LTBP1: variants seen among roughly 807,000 people sequenced by gnomAD.
The protein encoded by LTBP1 is latent-transforming growth factor beta-binding protein 1.
LTBP1 carries 129 observed loss-of-function variants against 207.6 expected under a neutral mutation model. That is an observed-to-expected ratio of 0.62 (90% confidence interval 0.54 to 0.72). LTBP1 has a LOEUF of 0.72. Among genes scored for constraint, LTBP1 ranks in the 30% least tolerant of loss-of-function variants. The pLI, the probability that LTBP1 is intolerant of heterozygous loss-of-function variation, is 0.00. For missense variants in LTBP1, 2,281 were observed against 2,217.2 expected, an observed-to-expected ratio of 1.03 and a Z score of -0.58; for synonymous variants, 963 against 833.7, an observed-to-expected ratio of 1.16 and a Z score of -2.67.
intron 3 of LTBP1, among the ~76,000 whole-genome samples, chr2:33,058,060 C>T (rs1433665319): frequency 6.6e-6 from 1 of 152,250 alleles, no homozygotes; most frequent in East Asian, 1.9e-4. Context: ...GAGTGTTTCT[C>T]TCTTTGGTTT....
At chr2:33,069,987 C>T (rs2077707034) in intron 3 of LTBP1, among the ~76,000 whole-genome samples, 1 of 152,120 alleles carries the variant, frequency 6.6e-6, no homozygotes, top group Non-Finnish European at 1.5e-5. Flanking sequence ...TCACCATTGC[C>T]CTCCTTTTAA....
At chr2:33,392,955 G>C (rs1020916685) in intron 32 of LTBP1, among the ~76,000 whole-genome samples, 2 of 151,350 alleles carry the variant, frequency 1.3e-5, no homozygotes, top group Admixed American at 1.3e-4. Flanking sequence ...AGATTCTCCT[G>C]CCTCAGCCTC....
chr2:33,395,228 C>G (rs965836784), intron 32 of LTBP1, among the ~76,000 whole-genome samples: 1 of 152,166 alleles, frequency 6.6e-6, no homozygotes, highest in African/African-American at 2.4e-5. Flanking sequence ...TCAACAAAAT[C>G]AAGTGACTTG....
At position 33,347,356 on chromosome 2, in the gene LTBP1, C is replaced by T. The variant is rs377502218; in HGVS notation, c.3857-11C>T. On this transcript the variant is annotated splice_polypyrimidine_tract_variant and intron_variant, in intron 25 of 33. Coordinates refer to ENST00000404816, the MANE Select transcript of LTBP1 (RefSeq NM_206943.4). ...GCACACATCTCACTTGGTCTGTGCT[C>T]CCTTTTCCAGATGTGAATGAATGTG... The T allele has an allele frequency of 2.1e-5, 34 of 1,613,934 alleles. No individual in the cohort carries two copies. Among genetic ancestry groups the T allele is most frequent in the Non-Finnish European group, 2.9e-5 (34 of 1,179,994 alleles).
intron 24 of LTBP1, among the ~76,000 whole-genome samples, chr2:33,326,340 C>T (rs893285464): frequency 6.6e-6 from 1 of 152,124 alleles, no homozygotes; most frequent in African/African-American, 2.4e-5. Context: ...CTGTTAATGA[C>T]ATAAATGTCC....
At chr2:33,374,301 G>A (rs1439241199) in intron 31 of LTBP1, among the ~76,000 whole-genome samples, 1 of 152,102 alleles carries the variant, frequency 6.6e-6, no homozygotes, top group African/African-American at 2.4e-5. Flanking sequence ...TCTGCTTTTG[G>A]TCCTGGCTCT....
rs187429397 is a variant in LTBP1, at chr2:33,162,362, G to A, written c.1202-24494G>A. Among the ~76,000 whole-genome samples, 590 of 152,272 alleles carry A rather than the reference G, an allele frequency of 3.9e-3. 2 individuals carry two copies. The highest frequency in any genetic ancestry group is 0.013 in the African/African-American group (557 of 41,542). ...TTTGCTTTAGGAATTCTGAATGGAT[G>A]TCATGACTATATATCTAATAATTAC... On this transcript the variant is annotated intron_variant, in intron 5 of 33. Coordinates refer to ENST00000404816, the MANE Select transcript of LTBP1 (RefSeq NM_206943.4).
chr2:33,106,372 C>T (rs963788077), intron 3 of LTBP1, among the ~76,000 whole-genome samples: 2 of 152,148 alleles, frequency 1.3e-5, no homozygotes, highest in African/African-American at 4.8e-5. Context: ...AGATGTTTTC[C>T]AATTTACTTT....
chr2:33,357,336 C>G (rs575266497), intron 26 of LTBP1, among the ~76,000 whole-genome samples: 1 of 152,124 alleles, frequency 6.6e-6, no homozygotes, highest in African/African-American at 2.4e-5. Context: ...TGCTGAACCC[C>G]CAGCAGCAGA....
At chr2:33,384,098 A>G (rs2095245282) in intron 31 of LTBP1, among the ~76,000 whole-genome samples, 2 of 152,208 alleles carry the variant, frequency 1.3e-5, no homozygotes, top group South Asian at 4.1e-4. Context: ...TCTGTCATCA[A>G]GAATGGAGAT....
rs377701472 is a variant in LTBP1 at position 33,297,525 on chromosome 2, A to G, written c.3236-2926A>G. 1.8e-4 allele frequency among the ~76,000 whole-genome samples: 27 copies of G among 151,964 alleles called. No homozygotes were observed. In the East Asian group the frequency reaches 4.7e-3, roughly 26 times the overall value. On this transcript the variant is annotated intron_variant, in intron 20 of 33. Coordinates refer to ENST00000404816, the MANE Select transcript of LTBP1 (RefSeq NM_206943.4). ...CGGCGCACTGCAACCTCTGCCTCCC[A>G]GGTTCAAGTGATTCTTCTGCCTCAG...
intron 31 of LTBP1, among the ~76,000 whole-genome samples, chr2:33,382,689 C>T (rs920533274): frequency 1.3e-5 from 2 of 152,122 alleles, no homozygotes; most frequent in African/African-American, 2.4e-5. Flanking sequence ...ACCTTAATTC[C>T]GTGCAATAAA....
intron 24 of LTBP1, among the ~76,000 whole-genome samples, chr2:33,328,915 C>T (rs2094462235): frequency 6.6e-6 from 1 of 152,072 alleles, no homozygotes; most frequent in African/African-American, 2.4e-5. Flanking sequence ...ATTATGTATC[C>T]ATTCTACTGT....
chr2:33,177,450 G>C (rs2086176582), intron 5 of LTBP1, among the ~76,000 whole-genome samples: 1 of 152,136 alleles, frequency 6.6e-6, no homozygotes, highest in Non-Finnish European at 1.5e-5. Flanking sequence ...AGGAGTTCAA[G>C]ACCAGCCTGG....
At chr2:33,379,577 G>C (rs921048267) in intron 31 of LTBP1, among the ~76,000 whole-genome samples, 1 of 152,186 alleles carries the variant, frequency 6.6e-6, no homozygotes. Flanking sequence ...ACTGCCAGAG[G>C]CAGAAGTTGC....
chr2:33,318,505 A>G (rs934823828), intron 24 of LTBP1, among the ~76,000 whole-genome samples: 4 of 152,244 alleles, frequency 2.6e-5, no homozygotes, highest in Admixed American at 2.6e-4. Flanking sequence ...TTAAGTGTTT[A>G]TAACACAGCA....
At chr2:33,110,467 CT>C (rs1408355945) in intron 3 of LTBP1, 114 bp from the exon 4 acceptor site, 2 of 927,526 alleles carry the variant, frequency 2.2e-6, no homozygotes, top group African/African-American at 3.3e-5. Context: ...AAAAATGAGC[CT>C]TGCTTGGAAT....
intron 2 of LTBP1, among the ~76,000 whole-genome samples, chr2:32,970,742 T>C (rs933673869): frequency 6.9e-6 from 1 of 145,332 alleles, no homozygotes; most frequent in Non-Finnish European, 1.5e-5. Context: ...TTGTTTGGGC[T>C]CTTTTTTTTT....
chr2:33,082,819 C>A (rs1287779020), intron 3 of LTBP1, among the ~76,000 whole-genome samples: 2 of 152,162 alleles, frequency 1.3e-5, no homozygotes, highest in African/African-American at 4.8e-5. Context: ...GAGGTCATCT[C>A]CTCTCTGCCT....
Sources: gnomAD v4.1 joint callset for allele counts (sites outside exome capture counted in the v4.1 genomes callset) on GRCh38, gnomAD v4.1.1 for gene constraint, MANE v1.5 for transcripts, NCBI Gene and HGNC (gene_info 2026-07-23, HGNC 2026-07-21) for gene names.